The following VWA8 variants were observed in gnomAD, a reference collection of about 807,000 sequenced individuals.
The protein encoded by VWA8 is von Willebrand factor A domain containing 8.
VWA8 carries 221 observed loss-of-function variants against 241.5 expected under a neutral mutation model. The ratio of observed to expected loss-of-function variants is 0.91; its 90% CI spans 0.82 to 1.02. VWA8 has a LOEUF of 1.02. Ranked by LOEUF, VWA8 falls within the 50% of genes least tolerant of loss-of-function variation. VWA8 has a pLI of 0.00. For missense variants in VWA8, 2,322 were observed against 2,328.7 expected (o/e 1.00, Z 0.06); for synonymous variants, 852 against 827.1 (o/e 1.03, Z -0.52).
intron 36 of VWA8, among the ~76,000 whole-genome samples, chr13:41,672,303 A>G (rs969633116): frequency 6.6e-6 from 1 of 152,150 alleles, no homozygotes; most frequent in Non-Finnish European, 1.5e-5. Context: ...ATATGTGTGT[A>G]TATATATATG....
chr13:41,889,172 T>C lies in VWA8; in HGVS notation c.652-1811A>G, dbSNP rs1473956120. 3.3e-5 allele frequency among the ~76,000 whole-genome samples: 5 copies of C among 152,314 alleles called. No individual in the cohort carries two copies. The East Asian group carries it at 9.6e-4, about 29-fold the overall frequency. On this transcript the variant is annotated intron_variant, in intron 5 of 44. Coordinates refer to ENST00000379310, the MANE Select transcript of VWA8 (RefSeq NM_015058.2). ...TGGGGCTTAAGTTATGGTGTTAGAA[T>C]CTTTTTACCATAAAAGTTGTCTTAA...
intron 21 of VWA8, among the ~76,000 whole-genome samples, chr13:41,749,916 C>T (rs1173323208): frequency 6.6e-6 from 1 of 151,628 alleles, no homozygotes; most frequent in Non-Finnish European, 1.5e-5. Context: ...GGAGATATAC[C>T]TAATGTAAAT....
At chr13:41,698,729 T>C (rs2045230580) in intron 29 of VWA8, among the ~76,000 whole-genome samples, 1 of 152,226 alleles carries the variant, frequency 6.6e-6, no homozygotes, top group Non-Finnish European at 1.5e-5. Flanking sequence ...ACAATTATCA[T>C]TACCTGAAAC....
chr13:41,865,704 A>G (rs765890024), intron 12 of VWA8, 32 bp downstream of exon 12: 1 of 1,609,806 alleles, frequency 6.2e-7, no homozygotes, highest in South Asian at 1.1e-5. Flanking sequence ...ATATGCTTAT[A>G]GTCCAAGTGC....
At chr13:41,829,945 T>TA (rs1266416930) in intron 14 of VWA8, among the ~76,000 whole-genome samples, 1 of 151,990 alleles carries the variant, frequency 6.6e-6, no homozygotes, top group Non-Finnish European at 1.5e-5. Context: ...AAAATTTTTT[T>TA]AAAAAAATCA....
intron 2 of VWA8, among the ~76,000 whole-genome samples, chr13:41,933,292 C>A (rs1322471029): frequency 6.6e-6 from 1 of 151,854 alleles, no homozygotes; most frequent in Non-Finnish European, 1.5e-5. Context: ...GAAAACAATA[C>A]AACATTGCTG....
At chr13:41,685,287 C>A in intron 34 of VWA8, 45 bp from the exon 35 acceptor site, 1 of 1,552,482 alleles carries the variant, frequency 6.4e-7, no homozygotes, top group Non-Finnish European at 8.8e-7. Flanking sequence ...CCATATACTA[C>A]ATTCACCACA....
At chr13:41,736,994 C>T (rs1272258096) in intron 21 of VWA8, among the ~76,000 whole-genome samples, 1 of 151,888 alleles carries the variant, frequency 6.6e-6, no homozygotes, top group Admixed American at 6.6e-5. Flanking sequence ...GAGGCATGCA[C>T]CACCACACTT....
intron 43 of VWA8, among the ~76,000 whole-genome samples, chr13:41,574,588 G>A (rs528014053): frequency 1.3e-5 from 2 of 151,990 alleles, no homozygotes; most frequent in Non-Finnish European, 2.9e-5. Context: ...AATTCACGTG[G>A]AACCAAAAAA....
At chr13:41,695,025 T>C (rs35765873) in intron 29 of VWA8, among the ~76,000 whole-genome samples, 3,570 of 152,248 alleles carry the variant, frequency 0.023, 51 homozygotes, top group South Asian at 0.071. Flanking sequence ...CTTCTGTAAA[T>C]GACTAATGAT....
At chr13:41,957,506 T>C (rs1201289639) in intron 1 of VWA8, among the ~76,000 whole-genome samples, 1 of 152,138 alleles carries the variant, frequency 6.6e-6, no homozygotes, top group East Asian at 1.9e-4. Context: ...CTTGGGAGGC[T>C]GAAGCAGGAG....
chr13:41,629,754 C>G (rs1403151351), intron 37 of VWA8, among the ~76,000 whole-genome samples: 2 of 152,178 alleles, frequency 1.3e-5, no homozygotes, highest in Non-Finnish European at 2.9e-5. Context: ...ACAATGATAA[C>G]ACATGACAAA....
intron 37 of VWA8, among the ~76,000 whole-genome samples, chr13:41,667,113 T>C (rs909725707): frequency 1.3e-5 from 2 of 152,192 alleles, no homozygotes; most frequent in African/African-American, 2.4e-5. Flanking sequence ...TTACCTAGCA[T>C]GTAAATTTAC....
chr13:41,789,081 C>A lies in VWA8; in HGVS notation c.2064-1538G>T, dbSNP rs144956437. The stretch of plus-strand genomic sequence containing the variant: ...CAATCTAGCACCCAGACAGCAATAT[C>A]AATCAAGGTACCAAGGAAGTTGAAA... On this transcript the variant is annotated intron_variant, in intron 17 of 44. Coordinates refer to ENST00000379310, the MANE Select transcript of VWA8 (RefSeq NM_015058.2). 3.5e-4 allele frequency among the ~76,000 whole-genome samples: 54 copies of A among 152,220 alleles called. 1 individual carries two copies. The highest frequency in any genetic ancestry group is 1.3e-3 in the African/African-American group (52 of 41,534).
intron 17 of VWA8, among the ~76,000 whole-genome samples, chr13:41,789,001 C>T (rs1039444527): frequency 6.6e-6 from 1 of 152,128 alleles, no homozygotes; most frequent in Admixed American, 6.6e-5. Flanking sequence ...GCAGGCATTG[C>T]TTGCTAATAG....
rs1218456579 is a variant in VWA8 at position 41,947,931 on chromosome 13, C to CAAAAAAA, written c.241+1998_241+2004dup. Among the ~76,000 whole-genome samples, 15 of 20,526 alleles carry CAAAAAAA rather than the reference C, an allele frequency of 7.3e-4. 1 individual carries two copies. Among genetic ancestry groups the CAAAAAAA allele is most frequent in the African/African-American group, 1.1e-3 (9 of 8,494 alleles). The allele number at this position is 20,526 out of a possible 152,430, so 13.5% of individuals were successfully genotyped here. ...TGGGCCACAAAGTGAGACCCTGTCT[C>CAAAAAAA]AAAAAAAAAAAAAAAAAAAAAACAA... On this transcript the variant is annotated intron_variant, in intron 2 of 44. Coordinates refer to ENST00000379310, the MANE Select transcript of VWA8 (RefSeq NM_015058.2).
rs374075330 is a variant in VWA8 at position 41,749,440 on chromosome 13, G to A, written c.2426+11688C>T. ...AACTAGTTCAACCATTGTGGAAGTC[G>A]GTGTGGCAATTCCTCAGGGATCTAG... On this transcript the variant is annotated intron_variant, in intron 21 of 44. Coordinates refer to ENST00000379310, the MANE Select transcript of VWA8 (RefSeq NM_015058.2). 1.1e-4 allele frequency among the ~76,000 whole-genome samples: 16 copies of A among 151,826 alleles called. No individual in the cohort carries two copies. In the East Asian group the frequency reaches 2.1e-3, roughly 20 times the overall value.
At position 41,570,558 on chromosome 13, in the gene VWA8, T is replaced by G. The variant is rs376274377; in HGVS notation, c.5519A>C (p.His1840Pro). 3.0e-5 allele frequency: 49 copies of G among 1,614,232 alleles called. No homozygotes were observed. The highest frequency in any genetic ancestry group is 1.4e-4 in the South Asian group (13 of 91,088). Residue 1840 changes from histidine (H) to proline (P), a missense_variant, in exon 44 of 45, where the codon CAT (histidine) becomes CCT (proline). Physicochemically the swap from His to Pro is moderately conservative, Grantham distance 77. Coordinates refer to ENST00000379310, the MANE Select transcript of VWA8 (RefSeq NM_015058.2). ...GAGGATTTGAGCAAACTTAGCAGGATGTATTCCATATCGTGACAGATTTGC... is the reference window on the plus strand; with the variant it reads ...GAGGATTTGAGCAAACTTAGCAGGAGGTATTCCATATCGTGACAGATTTGC... ...SDANLSRYGI[H>P]PAKFAQILTR...
chr13:41,926,943 A>T, intron 2 of VWA8: 1 of 539,266 alleles, frequency 1.9e-6, no homozygotes, highest in Admixed American at 2.0e-5. Context: ...CCTGGAAATG[A>T]TTTGCATCAA....
Sources: gnomAD v4.1 joint callset for allele counts (sites outside exome capture counted in the v4.1 genomes callset) on GRCh38, gnomAD v4.1.1 for gene constraint, MANE v1.5 for transcripts, NCBI Gene and HGNC (gene_info 2026-07-23, HGNC 2026-07-21) for gene names.